The following SNX29 variants were observed in gnomAD, a reference collection of about 807,000 sequenced individuals.
SNX29 encodes sorting nexin-29.
Under a neutral mutation model 102.1 loss-of-function variants are expected in SNX29, and 78 were observed. The observed-to-expected ratio is 0.76, with a 90% CI of 0.64 to 0.92. SNX29 has a LOEUF of 0.92. SNX29 is among the 40% of genes least tolerant of loss of function. SNX29 has a pLI of 0.00. For synonymous variants in SNX29, 580 were observed against 414.5 expected (o/e 1.40, Z -4.85); for missense variants, 1,280 against 1,061.7 (o/e 1.21, Z -2.86).
chr16:12,206,631 C>G (rs1436752208), intron 14 of SNX29, among the ~76,000 whole-genome samples: 1 of 152,048 alleles, frequency 6.6e-6, no homozygotes, highest in Admixed American at 6.6e-5. Context: ...GCAGCTGTAG[C>G]TTTAGTCTTT....
At chr16:12,055,855 G>A (rs1359265457) in intron 8 of SNX29, among the ~76,000 whole-genome samples, 1 of 152,280 alleles carries the variant, frequency 6.6e-6, no homozygotes, top group East Asian at 1.9e-4. Context: ...CAGCAAAATT[G>A]ACACATACAA....
chr16:12,210,561 T>C (rs1316500948), intron 14 of SNX29, among the ~76,000 whole-genome samples: 2 of 151,888 alleles, frequency 1.3e-5, no homozygotes, highest in African/African-American at 4.8e-5. Flanking sequence ...ACAGAGAAAG[T>C]GAATCCAGCC....
intron 19 of SNX29, among the ~76,000 whole-genome samples, chr16:12,497,781 A>G (rs2088904789): frequency 6.6e-6 from 1 of 152,212 alleles, no homozygotes; most frequent in African/African-American, 2.4e-5. Flanking sequence ...TAGGCGCCTC[A>G]GGCAGAAAGA....
chr16:12,461,336 G>A (rs1399726752), intron 18 of SNX29, among the ~76,000 whole-genome samples: 2 of 152,144 alleles, frequency 1.3e-5, no homozygotes, highest in Non-Finnish European at 2.9e-5. Flanking sequence ...GGGCTGACTT[G>A]GAAGGAATTT....
At chr16:12,523,375 C>G (rs915303428) in intron 19 of SNX29, among the ~76,000 whole-genome samples, 1 of 152,246 alleles carries the variant, frequency 6.6e-6, no homozygotes, top group African/African-American at 2.4e-5. Context: ...CCCCGTTCCT[C>G]CACTGCCTTC....
At chr16:12,240,250 G>T (rs575110340) in intron 14 of SNX29, among the ~76,000 whole-genome samples, 34 of 152,250 alleles carry the variant, frequency 2.2e-4, no homozygotes, top group African/African-American at 8.2e-4. Context: ...AGAATTGCTG[G>T]GCCCTTTAAG....
At chr16:11,999,414 A>T in intron 2 of SNX29, 56 bp downstream of exon 2, 4 of 1,561,012 alleles carry the variant, frequency 2.6e-6, no homozygotes, top group Non-Finnish European at 3.5e-6. Context: ...CAGATAATTA[A>T]TGTAGGTCAT....
At chr16:12,443,682 C>G (rs923132670) in intron 18 of SNX29, among the ~76,000 whole-genome samples, 1 of 152,240 alleles carries the variant, frequency 6.6e-6, no homozygotes, top group Non-Finnish European at 1.5e-5. Context: ...AACTCCCGAC[C>G]TCAGATAATC....
At chr16:12,153,516 C>T (rs975563824) in intron 13 of SNX29, among the ~76,000 whole-genome samples, 2 of 151,492 alleles carry the variant, frequency 1.3e-5, no homozygotes, top group African/African-American at 4.8e-5. Context: ...CTCTGTTGCC[C>T]AGGCTGGAGT....
At chr16:12,441,599 C>A (rs1283625108) in intron 18 of SNX29, among the ~76,000 whole-genome samples, 1 of 152,062 alleles carries the variant, frequency 6.6e-6, no homozygotes, top group African/African-American at 2.4e-5. Context: ...TGATAGTGTC[C>A]TTTGAAGCAC....
chr16:12,448,867 C>T (rs1353976082), intron 18 of SNX29, among the ~76,000 whole-genome samples: 3 of 152,096 alleles, frequency 2.0e-5, no homozygotes, highest in East Asian at 3.9e-4. Context: ...TCTTTCTTTG[C>T]CTTTTGGACG....
At chr16:12,560,926 C>T (rs143639211) in intron 20 of SNX29, 169 of 203,600 alleles carry the variant, frequency 8.3e-4, no homozygotes, top group East Asian at 3.0e-4. Flanking sequence ...TAAAGTACCT[C>T]GTGGTGTTGG....
At chr16:12,479,829 G>A (rs552999281) in intron 19 of SNX29, among the ~76,000 whole-genome samples, 2 of 152,166 alleles carry the variant, frequency 1.3e-5, no homozygotes, top group African/African-American at 4.8e-5. Context: ...ATCTGCCTGT[G>A]TCTTGTGCTA....
chr16:12,152,635 A>G (rs2055347728), intron 13 of SNX29, among the ~76,000 whole-genome samples: 1 of 152,220 alleles, frequency 6.6e-6, no homozygotes, highest in African/African-American at 2.4e-5. Flanking sequence ...TTTCCTGCAG[A>G]AAAAGACTGA....
At chr16:12,288,168 G>A (rs1177850240) in intron 15 of SNX29, among the ~76,000 whole-genome samples, 1 of 152,172 alleles carries the variant, frequency 6.6e-6, no homozygotes, top group Admixed American at 6.5e-5. Context: ...TGACTCCAGA[G>A]GCGGGACTCA....
intron 4 of SNX29, among the ~76,000 whole-genome samples, chr16:12,037,264 A>G (rs2541583): frequency 0.7 from 105,782 of 151,990 alleles, 37,663 homozygotes; most frequent in African/African-American, 0.83. Flanking sequence ...CAGGAACACC[A>G]TGCTTATAAA....
chr16:12,126,387 G>C (rs2054215561), intron 11 of SNX29, among the ~76,000 whole-genome samples: 1 of 152,306 alleles, frequency 6.6e-6, no homozygotes, highest in Non-Finnish European at 1.5e-5. Context: ...GCTCAGAGGG[G>C]GTTGCTAACT....
At chr16:12,111,685 A>G (rs350255) in intron 11 of SNX29, among the ~76,000 whole-genome samples, 103,155 of 152,064 alleles carry the variant, frequency 0.68, 36,042 homozygotes, top group East Asian at 0.91. Context: ...TGATGGAGAG[A>G]TCACCTAGAC....
intron 14 of SNX29, among the ~76,000 whole-genome samples, chr16:12,225,686 G>A (rs2077591912): frequency 6.6e-6 from 1 of 152,178 alleles, no homozygotes; most frequent in Non-Finnish European, 1.5e-5. Context: ...GTAAGGTAGA[G>A]GCAGCATGGA....
Sources: allele counts gnomAD v4.1 joint callset (sites outside exome capture counted in the v4.1 genomes callset), GRCh38; gene constraint gnomAD v4.1.1; transcripts MANE v1.5; gene names NCBI Gene and HGNC (gene_info 2026-07-23, HGNC 2026-07-21).